The following DLGAP1 variants were observed in gnomAD, a reference collection of about 807,000 sequenced individuals.
The protein encoded by DLGAP1 is disks large-associated protein 1.
In DLGAP1, 11 loss-of-function variants were observed where a neutral mutation model predicts 90.8. The ratio of observed to expected loss-of-function variants is 0.12; its 90% CI spans 0.08 to 0.20. DLGAP1 has a LOEUF of 0.20. DLGAP1 is among the 10% of genes least tolerant of loss of function. The pLI is 1.00. For missense variants in DLGAP1, 1,050 were observed against 1,333.8 expected, an observed-to-expected ratio of 0.79 and a Z score of 3.31; for synonymous variants, 558 against 540.7, an observed-to-expected ratio of 1.03 and a Z score of -0.44.
chr18:3,930,573 T>G (rs778134877), intron 3 of DLGAP1, among the ~76,000 whole-genome samples: 3 of 152,154 alleles, frequency 2.0e-5, no homozygotes, highest in Non-Finnish European at 2.9e-5. Context: ...GTACATGTAC[T>G]CAGTCGCTAC....
intron 3 of DLGAP1, among the ~76,000 whole-genome samples, chr18:3,906,173 A>G (rs903395769): frequency 2.6e-5 from 4 of 152,226 alleles, no homozygotes; most frequent in Non-Finnish European, 4.4e-5. Context: ...TTATAGTAGA[A>G]AAGAACTGAA....
chr18:4,211,206 GAT>G (rs1323246586), intron 1 of DLGAP1, among the ~76,000 whole-genome samples: 1 of 152,166 alleles, frequency 6.6e-6, no homozygotes, highest in Admixed American at 6.5e-5. Flanking sequence ...CCAGGCCTGT[GAT>G]GACAATGAAT....
At chr18:3,572,489 C>T (rs1272061641) in intron 8 of DLGAP1, among the ~76,000 whole-genome samples, 2 of 151,778 alleles carry the variant, frequency 1.3e-5, no homozygotes, top group African/African-American at 4.9e-5. Flanking sequence ...ACTCTGTTGC[C>T]CAGGCTGGAG....
At chr18:3,923,888 A>G (rs1674861503) in intron 3 of DLGAP1, among the ~76,000 whole-genome samples, 1 of 152,200 alleles carries the variant, frequency 6.6e-6, no homozygotes, top group African/African-American at 2.4e-5. Context: ...TAAGTTAGAG[A>G]CAAAACCAGT....
At chr18:4,195,614 C>T (rs548375520) in intron 1 of DLGAP1, among the ~76,000 whole-genome samples, 8 of 152,108 alleles carry the variant, frequency 5.3e-5, no homozygotes, top group African/African-American at 1.9e-4. Context: ...TGCAATGGCA[C>T]GATCTCAGCT....
At chr18:3,842,501 T>A (rs2068772632) in intron 4 of DLGAP1, among the ~76,000 whole-genome samples, 1 of 151,854 alleles carries the variant, frequency 6.6e-6, no homozygotes, top group Non-Finnish European at 1.5e-5. Flanking sequence ...ATATTTACAA[T>A]AGTCTAGCTG....
chr18:4,048,792 CT>C (rs1209989243), intron 2 of DLGAP1, among the ~76,000 whole-genome samples: 1 of 152,212 alleles, frequency 6.6e-6, no homozygotes, highest in Non-Finnish European at 1.5e-5. Flanking sequence ...GAAAAGCTGA[CT>C]TTTGTCACTA....
intron 1 of DLGAP1, among the ~76,000 whole-genome samples, chr18:4,427,252 C>A (rs1020442367): frequency 2.0e-5 from 3 of 152,086 alleles, no homozygotes; most frequent in Non-Finnish European, 4.4e-5. Flanking sequence ...TAAATGGGGA[C>A]AGAGCAACCT....
chr18:3,929,376 T>A (rs778328993), intron 3 of DLGAP1, among the ~76,000 whole-genome samples: 17 of 152,216 alleles, frequency 1.1e-4, no homozygotes, highest in Non-Finnish European at 1.8e-4. Flanking sequence ...ATTCCACAAT[T>A]CTGACCACTC....
chr18:3,642,324 A>G (rs1283474583), intron 7 of DLGAP1, among the ~76,000 whole-genome samples: 3 of 152,178 alleles, frequency 2.0e-5, no homozygotes, highest in Non-Finnish European at 2.9e-5. Flanking sequence ...TCCAGTGAAT[A>G]CTTCCTTTGG....
At chr18:3,698,205 G>C (rs1489528583) in intron 7 of DLGAP1, among the ~76,000 whole-genome samples, 1 of 152,146 alleles carries the variant, frequency 6.6e-6, no homozygotes, top group African/African-American at 2.4e-5. Context: ...AATACTGTTT[G>C]TGTGAATTTG....
At chr18:4,066,897 T>G (rs1262385978) in intron 2 of DLGAP1, among the ~76,000 whole-genome samples, 2 of 152,160 alleles carry the variant, frequency 1.3e-5, no homozygotes, top group Non-Finnish European at 2.9e-5. Flanking sequence ...GCAGCACTAT[T>G]CACAATAGCA....
chr18:3,979,628 C>T (rs1292468945), intron 3 of DLGAP1, among the ~76,000 whole-genome samples: 2 of 152,228 alleles, frequency 1.3e-5, no homozygotes, highest in African/African-American at 4.8e-5. Context: ...GACTATTACA[C>T]TGCAACTGTT....
intron 5 of DLGAP1, among the ~76,000 whole-genome samples, chr18:3,796,029 C>G (rs942399297): frequency 4.6e-5 from 7 of 152,134 alleles, no homozygotes; most frequent in African/African-American, 1.7e-4. Context: ...GAGTTAAGGA[C>G]CAACATCGCC....
intron 2 of DLGAP1, among the ~76,000 whole-genome samples, chr18:4,079,567 A>AACT (rs1253139666): frequency 2.0e-5 from 3 of 151,900 alleles, no homozygotes; most frequent in African/African-American, 4.8e-5. Flanking sequence ...AGAGATAAAA[A>AACT]ACTACCTGTT....
chr18:3,600,915 G>GATAT lies in DLGAP1; in HGVS notation c.1592-18671_1592-18668dup, dbSNP rs1364495089. Among the ~76,000 whole-genome samples, 56 of 16,768 alleles carry GATAT rather than the reference G, an allele frequency of 3.3e-3. 19 individuals carry two copies. The highest frequency in any genetic ancestry group is 6.3e-3 in the South Asian group (5 of 800). 11.0% of individuals were successfully genotyped at this position (16,768 alleles called of 152,430 possible). A position where few individuals can be genotyped will look rare whatever the true frequency, so the allele number is the denominator to read the frequency against. On this transcript the variant is annotated intron_variant, in intron 7 of 12. Transcript: ENST00000315677. ...ATAGATATATATAGATATATAGATA[G>GATAT]ATATAGATATATATAGATATATAGA...
rs976481843 is a variant in DLGAP1 at position 4,245,738 on chromosome 18, T to C, written c.-266-94451A>G. 5.3e-5 allele frequency among the ~76,000 whole-genome samples: 8 copies of C among 152,180 alleles called. No individual in the cohort carries two copies. The South Asian group carries it at 1.2e-3, about 24-fold the overall frequency. On this transcript the variant is annotated intron_variant, in intron 1 of 12. Transcript: ENST00000315677. ...ATTAGGCTTCTTTTTCAAGTAAGAT[T>C]TGATTTTTCTGCTATTTCTAGAGAG...
At chr18:3,904,814 G>A (rs77137820) in intron 3 of DLGAP1, among the ~76,000 whole-genome samples, 4,665 of 151,952 alleles carry the variant, frequency 0.031, 230 homozygotes, top group African/African-American at 0.11. Context: ...AGATCACTCC[G>A]TCTTTCAAGA....
rs2059658629 is a variant in DLGAP1, at chr18:3,660,878, C to T, written c.1591+68257G>A. Among the ~76,000 whole-genome samples the T allele has an allele frequency of 6.6e-6, 1 of 152,164 alleles. No homozygotes were observed. Among genetic ancestry groups the T allele is most frequent in the Non-Finnish European group, 1.5e-5 (1 of 68,034 alleles). On this transcript the variant is annotated intron_variant, in intron 7 of 12. Transcript: ENST00000315677. The surrounding 1 kb of genome is among the most constrained non-coding windows in gnomAD (Gnocchi z 4.2). ...CCTCAATAATCTGCAGTTCTCTTGTCTCAACTGTCATCACCCTGGGCCAAA... is the reference window on the plus strand; with the variant it reads ...CCTCAATAATCTGCAGTTCTCTTGTTTCAACTGTCATCACCCTGGGCCAAA...
Sources: gnomAD v4.1 joint callset for allele counts (sites outside exome capture counted in the v4.1 genomes callset) on GRCh38, gnomAD v4.1.1 for gene constraint, Gnocchi (gnomAD v3.1) non-coding constraint, MANE v1.5 for transcripts, NCBI Gene and HGNC (gene_info 2026-07-23, HGNC 2026-07-21) for gene names.